NEUROD1: variants seen among roughly 807,000 people sequenced by gnomAD.
NEUROD1 encodes the protein neuronal differentiation 1, also known as neurogenic differentiation factor 1.
NEUROD1 carries 9 observed loss-of-function variants against 21.8 expected under a neutral mutation model. That is an observed-to-expected ratio of 0.41 (90% CI 0.25 to 0.72). The LOEUF (loss-of-function observed/expected upper bound fraction) is 0.72. Among genes scored for constraint, NEUROD1 ranks in the 30% least tolerant of loss-of-function variants. The probability of loss-of-function intolerance (pLI) is 0.31; values close to 1 mark genes in which losing one functional copy is unlikely to be tolerated. For missense variants in NEUROD1, 434 were observed against 468.8 expected (o/e 0.93, Z 0.69); for synonymous variants, 199 against 186.2 (o/e 1.07, Z -0.56).
exon 2 of NEUROD1, among the ~76,000 whole-genome samples, chr2:181,671,152 A>G (rs1559133336): frequency 6.6e-6 from 1 of 152,208 alleles, no homozygotes; most frequent in East Asian, 1.9e-4. Context: ...AAACCTGGGA[A>G]GCAAAGATCT....
chr2:181,678,482 C>T lies in NEUROD1; in HGVS notation c.379G>A (p.Val127Met), dbSNP rs1243606936. The T allele has an allele frequency of 1.2e-6, 2 of 1,614,120 alleles. No individual in the cohort carries two copies. Among genetic ancestry groups the T allele is most frequent in the Non-Finnish European group, 1.7e-6 (2 of 1,180,054 alleles). The change falls in exon 2 of 2, where the codon GTG (valine) becomes ATG (methionine). Residue 127 changes from valine to methionine, a missense_variant. Val to Met is a conservative substitution (Grantham distance 21). Coordinates refer to ENST00000295108, the MANE Select transcript of NEUROD1 (RefSeq NM_002500.5). This position sits in a 1 kb window ranked among gnomAD's most constrained non-coding sequence, Gnocchi z 5.5. ...TGCGTCTTAGAATAGCAAGGCACCA[C>T]CTTGCGCAGGTTGTCTAGCGCCGCG... ...LNAALDNLRK[V>M]VPCYSKTQKL...
downstream of NEUROD1, among the ~76,000 whole-genome samples, chr2:181,674,701 A>T (rs1574086331): frequency 6.6e-6 from 1 of 152,154 alleles, no homozygotes; most frequent in African/African-American, 2.4e-5. Flanking sequence ...CAGAAGGAAC[A>T]TCTGTGCCTG....
chr2:181,677,624 C>T lies in NEUROD1; in HGVS notation c.*166G>A. The stretch of plus-strand genomic sequence containing the variant: ...ATAAGGTGAACAGGAACTTTGATCC[C>T]CTGTTTCTTCCAAAGGCAGTAATGA... On this transcript the variant is annotated 3_prime_UTR_variant, in exon 2 of 2. Coordinates refer to ENST00000295108, the MANE Select transcript of NEUROD1 (RefSeq NM_002500.5). 1 of 1,241,776 alleles carries T rather than the reference C, an allele frequency of 8.1e-7. No individual in the cohort carries two copies. Among genetic ancestry groups the T allele is most frequent in the Non-Finnish European group, 1.1e-6 (1 of 889,378 alleles). The allele number at this position is 1,241,776 out of a possible 1,614,324, so 76.9% of individuals were successfully genotyped here.
chr2:181,676,760 T>A lies in NEUROD1; in HGVS notation c.*1030A>T, dbSNP rs1688581435. ...TAGGCTCAGATTTATTACATGAATA[T>A]ATGACAAACCACCATTTTTGTGACT... On this transcript the variant is annotated 3_prime_UTR_variant, in exon 2 of 2. Coordinates refer to ENST00000295108, the MANE Select transcript of NEUROD1 (RefSeq NM_002500.5). The A allele has an allele frequency of 6.6e-6, 1 of 152,608 alleles. No homozygotes were observed. The highest frequency in any genetic ancestry group is 1.5e-5 in the Non-Finnish European group (1 of 68,000). The allele number at this position is 152,608 out of a possible 1,614,324, so 9.5% of individuals were successfully genotyped here. A position where few individuals can be genotyped will look rare whatever the true frequency, so the allele number is the denominator to read the frequency against.
chr2:181,675,319 T>C (rs1688553012), downstream of NEUROD1, among the ~76,000 whole-genome samples: 1 of 152,258 alleles, frequency 6.6e-6, no homozygotes, highest in Admixed American at 6.5e-5. Context: ...TTACTGCTTC[T>C]GTCACAGCTT....
intron 1 of NEUROD1, 133 bp from the exon 2 acceptor site, chr2:181,679,004 T>G (rs1688651837): frequency 9.5e-7 from 1 of 1,056,338 alleles, no homozygotes; most frequent in Non-Finnish European, 1.4e-6. Context: ...CATTACAAAA[T>G]GAATGCCTCT....
At chr2:181,671,485 A>G (rs1463864657), downstream of NEUROD1, among the ~76,000 whole-genome samples, 2 of 151,944 alleles carry the variant, frequency 1.3e-5, no homozygotes, top group Admixed American at 6.6e-5. Flanking sequence ...GCTGGAGTAC[A>G]GTGGTACAAT....
At chr2:181,673,159 A>C (rs571242860), downstream of NEUROD1, 3 of 152,300 alleles carry the variant, frequency 2.0e-5, no homozygotes, top group African/African-American at 7.2e-5. Flanking sequence ...TAAAATTAGC[A>C]ATTTCTCCTG....
intron 1 of NEUROD1, among the ~76,000 whole-genome samples, chr2:181,679,619 C>T (rs1331018192): frequency 1.3e-5 from 2 of 152,230 alleles, no homozygotes; most frequent in African/African-American, 4.8e-5. Flanking sequence ...CGGCGCAGAG[C>T]GCTCTCCCAC....
chr2:181,669,111 T>C (rs1688460893), downstream of NEUROD1, among the ~76,000 whole-genome samples: 1 of 152,136 alleles, frequency 6.6e-6, no homozygotes, highest in African/African-American at 2.4e-5. Context: ...ACCCAACACC[T>C]TCCTCAATTT....
Position 181,678,076 on chromosome 2 carries a change from G to T in NEUROD1, c.785C>A (p.Thr262Asn). ...ATCAAAGGAAGGGCTGGTGCAATCA[G>T]TCAGAGGGCTTTCAAAGAAGGGCTC... ...ALEPFFESPL[T>N]DCTSPSFDGP... The change falls in exon 2 of 2, where the codon ACT (threonine) becomes AAT (asparagine). Residue 262 changes from threonine (T) to asparagine (N), a missense_variant. Physicochemically the swap from Thr to Asn is moderately conservative, Grantham distance 65 (BLOSUM62 0). Transcript: ENST00000295108. This position sits in a 1 kb window ranked among gnomAD's most constrained non-coding sequence, Gnocchi z 5.5. 1 of 1,614,224 alleles carries T rather than the reference G, an allele frequency of 6.2e-7. No homozygotes were observed. Among genetic ancestry groups the T allele is most frequent in the Non-Finnish European group, 8.5e-7 (1 of 1,180,046 alleles).
chr2:181,672,222 G>A (rs1167518322), downstream of NEUROD1, among the ~76,000 whole-genome samples: 3 of 152,160 alleles, frequency 2.0e-5, no homozygotes, highest in Non-Finnish European at 4.4e-5. Context: ...AAGGAAGTGG[G>A]GGGAGTTTGG....
downstream of NEUROD1, among the ~76,000 whole-genome samples, chr2:181,672,307 A>T (rs1342975856): frequency 6.6e-6 from 1 of 152,162 alleles, no homozygotes; most frequent in African/African-American, 2.4e-5. Context: ...CACTTGCTGG[A>T]CTGAAAATAA....
In NEUROD1 at chr2:181,678,885, G is replaced by T. The variant is rs1239915283; in HGVS notation, c.-11-14C>A. The T allele has an allele frequency of 1.9e-6, 3 of 1,612,546 alleles. No homozygotes were observed. In the Admixed American group the frequency reaches 5.0e-5, roughly 27 times the overall value. On this transcript the variant is annotated splice_polypyrimidine_tract_variant and intron_variant, in intron 1 of 1. Coordinates refer to ENST00000295108, the MANE Select transcript of NEUROD1 (RefSeq NM_002500.5). The surrounding 1 kb of genome is among the most constrained non-coding windows in gnomAD (Gnocchi z 5.5). ...TGTTTCGATTTCCTACATTCAACAA[G>T]GGAGAGGCAAACAGAAAGAAAAGCA...
downstream of NEUROD1, among the ~76,000 whole-genome samples, chr2:181,671,760 T>C (rs1453537975): frequency 6.6e-6 from 1 of 152,146 alleles, no homozygotes; most frequent in African/African-American, 2.4e-5. Context: ...AACACTCTAT[T>C]ATCCTCTTTC....
intron 1 of NEUROD1, among the ~76,000 whole-genome samples, chr2:181,679,246 G>T (rs1688654942): frequency 6.7e-6 from 1 of 148,640 alleles, no homozygotes; most frequent in Admixed American, 6.7e-5. Context: ...ATCCAAATGT[G>T]TTCAAAGTTA....
rs1688603334 is a variant in NEUROD1 at position 181,677,595 on chromosome 2, A to G, written c.*195T>C. 5 of 943,488 alleles carry G rather than the reference A, an allele frequency of 5.3e-6. No homozygotes were observed. The South Asian group carries it at 8.1e-5, about 15-fold the overall frequency. The allele number at this position is 943,488 out of a possible 1,614,324, so 58.4% of individuals were successfully genotyped here. Reference sequence around the variant, plus strand: ...TTAAATAGAAGAGCTATAGAAAATAATACATAAGGTGAACAGGAACTTTGA... The same window carrying G: ...TTAAATAGAAGAGCTATAGAAAATAGTACATAAGGTGAACAGGAACTTTGA... On this transcript the variant is annotated 3_prime_UTR_variant, in exon 2 of 2. Transcript: ENST00000295108.
downstream of NEUROD1, among the ~76,000 whole-genome samples, chr2:181,675,001 A>T (rs1688547937): frequency 6.6e-6 from 1 of 152,174 alleles, no homozygotes; most frequent in South Asian, 2.1e-4. Flanking sequence ...TGAGCTACTT[A>T]ATAGGTTAGA....
chr2:181,670,042 T>G (rs1334055444), downstream of NEUROD1, among the ~76,000 whole-genome samples: 1 of 152,216 alleles, frequency 6.6e-6, no homozygotes, highest in Non-Finnish European at 1.5e-5. Flanking sequence ...AATTATGTAC[T>G]TTAAAATATG....
Sources: gnomAD v4.1 joint callset for allele counts (sites outside exome capture counted in the v4.1 genomes callset) on GRCh38, gnomAD v4.1.1 for gene constraint, Gnocchi (gnomAD v3.1) non-coding constraint, MANE v1.5 for transcripts, NCBI Gene and HGNC (gene_info 2026-07-23, HGNC 2026-07-21) for gene names.